ESR1: variants seen among roughly 807,000 people sequenced by gnomAD.
ESR1 encodes estrogen receptor 1.
A neutral mutation model predicts 52.7 loss-of-function variants in ESR1; 12 were observed. That is an observed-to-expected ratio of 0.23 (90% confidence interval 0.15 to 0.37). The LOEUF (loss-of-function observed/expected upper bound fraction) is 0.37. ESR1 is among the 10% of genes least tolerant of loss of function. The pLI is 1.00. For synonymous variants in ESR1, 305 were observed against 316.8 expected (o/e 0.96, Z 0.39); for missense variants, 584 against 779.7 (o/e 0.75, Z 2.99).
intron 5 of ESR1, among the ~76,000 whole-genome samples, chr6:152,044,319 C>T (rs1165295216): frequency 1.3e-5 from 2 of 152,158 alleles, no homozygotes; most frequent in Non-Finnish European, 2.9e-5. Context: ...ACTCCAGAAA[C>T]CCCAAAACCA....
chr6:151,803,014 A>C (rs1039994474), upstream of ESR1, among the ~76,000 whole-genome samples: 4 of 152,090 alleles, frequency 2.6e-5, no homozygotes, highest in African/African-American at 9.7e-5. Context: ...AAAATGGTAG[A>C]ATGTCACATG....
At chr6:151,871,841 T>G (rs1198671924) in intron 2 of ESR1, among the ~76,000 whole-genome samples, 1 of 152,196 alleles carries the variant, frequency 6.6e-6, no homozygotes, top group Non-Finnish European at 1.5e-5. Context: ...TATTTGTCCT[T>G]TTGTGTCTGG....
chr6:152,061,401 A>G lies in ESR1; in HGVS notation c.1369+277A>G, dbSNP rs1274461934. Among the ~76,000 whole-genome samples the G allele has an allele frequency of 2.6e-5, 4 of 152,198 alleles. No individual in the cohort carries two copies. The highest frequency in any genetic ancestry group is 5.9e-5 in the Non-Finnish European group (4 of 68,030). The stretch of plus-strand genomic sequence containing the variant: ...TCACAGATAGGATGTTTTTATTCAA[A>G]TGGTACATGTATATAGACATATGTT... On this transcript the variant is annotated intron_variant, in intron 6 of 7. Coordinates refer to ENST00000206249, the MANE Select transcript of ESR1 (RefSeq NM_000125.4). The surrounding 1 kb of genome is among the most constrained non-coding windows in gnomAD (Gnocchi z 4.3).
At chr6:151,931,681 C>T (rs1024261100) in intron 3 of ESR1, among the ~76,000 whole-genome samples, 28 of 146,052 alleles carry the variant, frequency 1.9e-4, no homozygotes, top group Non-Finnish European at 1.7e-4. Flanking sequence ...CAGTTCCCAC[C>T]TATGAGTGAG....
intron 1 of ESR1, among the ~76,000 whole-genome samples, chr6:151,808,632 G>C (rs1208259196): frequency 6.6e-6 from 1 of 152,132 alleles, no homozygotes; most frequent in African/African-American, 2.4e-5. Context: ...AGACCCGAAA[G>C]CCCGGGCTTC....
intron 1 of ESR1, among the ~76,000 whole-genome samples, chr6:151,814,429 G>A (rs1246677256): frequency 6.6e-6 from 1 of 151,466 alleles, no homozygotes; most frequent in African/African-American, 2.4e-5. Context: ...TTTCTTTTCT[G>A]TTTTAGTTGT....
rs146243135 is a variant in ESR1 at position 151,880,689 on chromosome 6, G to A, written c.678G>A (p.Gln226=). 5.0e-5 allele frequency: 80 copies of A among 1,612,556 alleles called. No homozygotes were observed. The highest frequency in any genetic ancestry group is 6.4e-5 in the Non-Finnish European group (76 of 1,178,690). The change falls in exon 3 of 8, where the codon CAG becomes CAA. Residue 226 remains glutamine, a synonymous_variant. Transcript: ENST00000206249. ...ACTATATGTGTCCAGCCACCAACCAGTGCACCATTGATAAAAACAGGAGGA... is the reference window on the plus strand; with the variant it reads ...ACTATATGTGTCCAGCCACCAACCAATGCACCATTGATAAAAACAGGAGGA... ...HNDYMCPATN[Q]CTIDKNRRKS...
chr6:151,672,753 G>A (rs572816448), intron 1 of ESR1, among the ~76,000 whole-genome samples: 5 of 145,868 alleles, frequency 3.4e-5, no homozygotes, highest in Non-Finnish European at 6.0e-5. Flanking sequence ...GATTACAGGC[G>A]TGAGCCACCA....
intron 4 of ESR1, among the ~76,000 whole-genome samples, chr6:151,978,969 G>C (rs2039725354): frequency 6.6e-6 from 1 of 152,200 alleles, no homozygotes; most frequent in Admixed American, 6.5e-5. Context: ...CAATGATACT[G>C]TCTAATTTGA....
chr6:151,745,827 A>G (rs1247585301), intron 2 of ESR1, among the ~76,000 whole-genome samples: 1 of 152,208 alleles, frequency 6.6e-6, no homozygotes, highest in East Asian at 1.9e-4. Flanking sequence ...TATTCAACAG[A>G]TCTCCAGAGC....
chr6:151,939,966 A>G (rs2128509589), intron 3 of ESR1, among the ~76,000 whole-genome samples: 1 of 152,280 alleles, frequency 6.6e-6, no homozygotes, highest in African/African-American at 2.4e-5. Context: ...GGAATTTGGA[A>G]AATATCGTTC....
intron 7 of ESR1, among the ~76,000 whole-genome samples, chr6:152,097,448 T>TATAC (rs1285429599): frequency 2.0e-5 from 3 of 152,146 alleles, no homozygotes; most frequent in Admixed American, 6.5e-5. Flanking sequence ...GATCATGCTG[T>TATAC]AGGCCCTGAA....
At chr6:151,731,968 G>T (rs933968263) in intron 2 of ESR1, among the ~76,000 whole-genome samples, 1 of 152,162 alleles carries the variant, frequency 6.6e-6, no homozygotes, top group Non-Finnish European at 1.5e-5. Flanking sequence ...AGAGCAGGAC[G>T]TGGAATTGGG....
chr6:151,844,849 A>G (rs966324638), intron 2 of ESR1, among the ~76,000 whole-genome samples: 2 of 152,224 alleles, frequency 1.3e-5, no homozygotes, highest in Non-Finnish European at 2.9e-5. Flanking sequence ...CACAAAATTT[A>G]AAATGTATTT....
intron 4 of ESR1, among the ~76,000 whole-genome samples, chr6:151,966,814 C>T (rs760571493): frequency 1.4e-4 from 22 of 152,294 alleles, no homozygotes; most frequent in Non-Finnish European, 2.6e-4. Context: ...ATGCAGGGCA[C>T]GATGGGCGAA....
chr6:152,100,166 C>G lies in ESR1; in HGVS notation c.*1200C>G, dbSNP rs2152508831. On this transcript the variant is annotated 3_prime_UTR_variant, in exon 8 of 8. Coordinates refer to ENST00000206249, the MANE Select transcript of ESR1 (RefSeq NM_000125.4). ...GCCCTTTGGGGGTGCCCTGGGATCC[C>G]TGGGGTAGTCCAGCTCTTCTTCATT... The G allele has an allele frequency of 2.5e-6, 1 of 398,370 alleles. No homozygotes were observed. The highest frequency in any genetic ancestry group is 3.6e-5 in the East Asian group (1 of 28,060). The allele number at this position is 398,370 out of a possible 1,614,324, so 24.7% of individuals were successfully genotyped here. A position where few individuals can be genotyped will look rare whatever the true frequency, so the allele number is the denominator to read the frequency against.
At chr6:151,783,698 A>C (rs1387175373) in intron 2 of ESR1, among the ~76,000 whole-genome samples, 1 of 152,220 alleles carries the variant, frequency 6.6e-6, no homozygotes, top group Non-Finnish European at 1.5e-5. Flanking sequence ...TTAGTATGGT[A>C]TATTACAATT....
At chr6:152,072,456 T>C (rs1320023196) in intron 6 of ESR1, among the ~76,000 whole-genome samples, 1 of 152,206 alleles carries the variant, frequency 6.6e-6, no homozygotes, top group Non-Finnish European at 1.5e-5. Context: ...CCAAAGACTT[T>C]GTTTGCTTTG....
At chr6:151,816,158 A>G (rs376959326) in intron 1 of ESR1, among the ~76,000 whole-genome samples, 7 of 152,206 alleles carry the variant, frequency 4.6e-5, no homozygotes, top group African/African-American at 1.7e-4. Context: ...GTTGGCAAAA[A>G]TGCTGTGACC....
Sources: gnomAD v4.1 joint callset for allele counts (sites outside exome capture counted in the v4.1 genomes callset) on GRCh38, gnomAD v4.1.1 for gene constraint, Gnocchi (gnomAD v3.1) non-coding constraint, MANE v1.5 for transcripts, NCBI Gene and HGNC (gene_info 2026-07-23, HGNC 2026-07-21) for gene names.